The following FRMD5 variants were observed in gnomAD, a reference collection of about 807,000 sequenced individuals.
The protein encoded by FRMD5 is FERM domain containing 5.
FRMD5 carries 20 observed loss-of-function variants against 69.0 expected under a neutral mutation model. The observed-to-expected ratio is 0.29, with a 90% CI of 0.20 to 0.42. The LOEUF (loss-of-function observed/expected upper bound fraction) is 0.42, where lower values mean the gene tolerates loss of function less well. Ranked by LOEUF, FRMD5 falls within the 10% of genes least tolerant of loss-of-function variation. The pLI, the probability that FRMD5 is intolerant of heterozygous loss-of-function variation, is 1.00. For synonymous variants in FRMD5, 271 were observed against 260.1 expected, an observed-to-expected ratio of 1.04 and a Z score of -0.40; for missense variants, 595 against 708.6, an observed-to-expected ratio of 0.84 and a Z score of 1.82.
At chr15:44,011,596 G>A (rs1357293452) in intron 1 of FRMD5, among the ~76,000 whole-genome samples, 2 of 152,208 alleles carry the variant, frequency 1.3e-5, no homozygotes, top group African/African-American at 4.8e-5. Flanking sequence ...AGCTATAGAT[G>A]TGAGACTATT....
At chr15:44,146,423 T>C (rs1453775655) in intron 1 of FRMD5, among the ~76,000 whole-genome samples, 5 of 152,230 alleles carry the variant, frequency 3.3e-5, no homozygotes, top group Non-Finnish European at 7.3e-5. Context: ...TGATTCCATG[T>C]CTTCGCTATT....
intron 1 of FRMD5, among the ~76,000 whole-genome samples, chr15:43,978,705 C>T (rs541665873): frequency 1.8e-4 from 27 of 152,192 alleles, no homozygotes; most frequent in Admixed American, 3.3e-4. Context: ...GTACCCACCA[C>T]CACATCCAGC....
At position 44,143,401 on chromosome 15, in the gene FRMD5, A is replaced by T. The variant is rs150420198; in HGVS notation, c.102+51552T>A. ...ACACAAACTTTTCACTTGGGGACTA[A>T]GAAACCAGCTATCTACAAAGACATT... On this transcript the variant is annotated intron_variant, in intron 1 of 13. Transcript: ENST00000417257. 1.3e-3 allele frequency among the ~76,000 whole-genome samples: 205 copies of T among 152,166 alleles called. 4 individuals are homozygous for T. In the East Asian group the frequency reaches 0.033, roughly 24 times the overall value.
intron 4 of FRMD5, among the ~76,000 whole-genome samples, chr15:43,910,739 T>C (rs1380319318): frequency 6.6e-6 from 1 of 152,204 alleles, no homozygotes; most frequent in African/African-American, 2.4e-5. Flanking sequence ...CTGACATGTA[T>C]TGAGCACTTA....
At chr15:43,928,094 C>G (rs1298306311) in intron 1 of FRMD5, among the ~76,000 whole-genome samples, 1 of 152,158 alleles carries the variant, frequency 6.6e-6, no homozygotes, top group African/African-American at 2.4e-5. Context: ...TCCCACTACC[C>G]ATTCCCTACA....
In FRMD5 at chr15:44,177,141, C is replaced by G. The variant is rs562179718; in HGVS notation, c.102+17812G>C. Reference sequence around the variant, plus strand: ...CTCGTGTGGTAACAAAGAATTACCACACAATCCAGCAATTCCACTCTTAGG... The same window carrying G: ...CTCGTGTGGTAACAAAGAATTACCAGACAATCCAGCAATTCCACTCTTAGG... On this transcript the variant is annotated intron_variant, in intron 1 of 13. Transcript: ENST00000417257. Among the ~76,000 whole-genome samples, 359 of 152,166 alleles carry G rather than the reference C, an allele frequency of 2.4e-3. 2 individuals are homozygous for G. Among genetic ancestry groups the G allele is most frequent in the African/African-American group, 8.2e-3 (340 of 41,512 alleles).
intron 1 of FRMD5, among the ~76,000 whole-genome samples, chr15:44,093,918 A>T (rs28623028): frequency 0.034 from 5,153 of 152,160 alleles, 249 homozygotes; most frequent in African/African-American, 0.1. Flanking sequence ...CTGAAAAAAA[A>T]AATAATAAAA....
At chr15:44,157,883 T>A (rs79941911) in intron 1 of FRMD5, among the ~76,000 whole-genome samples, 100 of 152,274 alleles carry the variant, frequency 6.6e-4, no homozygotes, top group Admixed American at 1.8e-3. Flanking sequence ...TCAAATTATG[T>A]TCAAGTCATA....
intron 1 of FRMD5, among the ~76,000 whole-genome samples, chr15:43,997,053 G>A (rs1214060297): frequency 1.3e-5 from 2 of 152,012 alleles, no homozygotes; most frequent in Admixed American, 1.3e-4. Context: ...TATCTGCTCA[G>A]GTATACTCTA....
At chr15:43,964,767 T>C (rs956710892) in intron 1 of FRMD5, among the ~76,000 whole-genome samples, 3 of 152,172 alleles carry the variant, frequency 2.0e-5, no homozygotes, top group African/African-American at 7.2e-5. Context: ...ATTGACAACA[T>C]TGTGATTTAT....
At chr15:44,126,545 C>T (rs1234046840) in intron 1 of FRMD5, among the ~76,000 whole-genome samples, 1 of 152,184 alleles carries the variant, frequency 6.6e-6, no homozygotes, top group East Asian at 1.9e-4. Flanking sequence ...ATGACATGAT[C>T]CTGCCATAAA....
intron 1 of FRMD5, among the ~76,000 whole-genome samples, chr15:43,931,400 C>T (rs1018537188): frequency 1.3e-5 from 2 of 152,062 alleles, no homozygotes. Flanking sequence ...TCTTCTCTTT[C>T]TCTCTCACAC....
intron 1 of FRMD5, among the ~76,000 whole-genome samples, chr15:44,182,844 A>G (rs896892318): frequency 5.3e-5 from 8 of 151,988 alleles, no homozygotes; most frequent in South Asian, 2.1e-4. Context: ...CGCCCAGGCT[A>G]GAGTGCAGTG....
At chr15:44,050,234 C>T (rs566682436) in intron 1 of FRMD5, among the ~76,000 whole-genome samples, 11 of 151,284 alleles carry the variant, frequency 7.3e-5, no homozygotes, top group Non-Finnish European at 1.5e-4. Context: ...AAGCAGTGTG[C>T]AAAAAAAGAG....
Position 44,121,697 on chromosome 15 carries a change from T to C in FRMD5, c.102+73256A>G, listed in dbSNP as rs1320908441. Among the ~76,000 whole-genome samples, 4 of 150,888 alleles carry C rather than the reference T, an allele frequency of 2.7e-5. No individual in the cohort carries two copies. In the East Asian group the frequency reaches 5.8e-4, roughly 22 times the overall value. On this transcript the variant is annotated intron_variant, in intron 1 of 13. Transcript: ENST00000417257. ...AACAAAAAAACTCCTTATATGACAG[T>C]TGAAATAGTCTATTCAGGCTGGGGC...
intron 1 of FRMD5, among the ~76,000 whole-genome samples, chr15:43,978,431 G>C (rs767884933): frequency 6.6e-6 from 1 of 152,174 alleles, no homozygotes; most frequent in Non-Finnish European, 1.5e-5. Flanking sequence ...AGGGAAAGAA[G>C]GGACTGCGAT....
chr15:44,135,773 C>T (rs1240078954), intron 1 of FRMD5, among the ~76,000 whole-genome samples: 2 of 144,718 alleles, frequency 1.4e-5, no homozygotes, highest in Admixed American at 1.4e-4. Context: ...TGCAGTGAGC[C>T]GAGATCGCAC....
At chr15:44,133,637 T>G (rs1489738644) in intron 1 of FRMD5, among the ~76,000 whole-genome samples, 1 of 150,814 alleles carries the variant, frequency 6.6e-6, no homozygotes, top group Non-Finnish European at 1.5e-5. Flanking sequence ...GTGAGGAATC[T>G]TTAAAACTAC....
At chr15:43,883,112 CTT>C (rs1337334244) in intron 13 of FRMD5, among the ~76,000 whole-genome samples, 3 of 142,810 alleles carry the variant, frequency 2.1e-5, no homozygotes, top group African/African-American at 2.6e-5. Context: ...TTAAAAAATT[CTT>C]TTTTTTTTTT....
Sources: allele counts gnomAD v4.1 joint callset (sites outside exome capture counted in the v4.1 genomes callset), GRCh38; gene constraint gnomAD v4.1.1; transcripts MANE v1.5; gene names NCBI Gene and HGNC (gene_info 2026-07-23, HGNC 2026-07-21).